Variants in SRBD1 observed in about 807,000 individuals in gnomAD.
The protein encoded by SRBD1 is S1 RNA binding domain 1, also known as S1 RNA-binding domain-containing protein 1.
Under a neutral mutation model 115.3 loss-of-function variants are expected in SRBD1, and 88 were observed. That is an observed-to-expected ratio of 0.76 (90% CI 0.64 to 0.91). The LOEUF is 0.91. Ranked by LOEUF, SRBD1 falls within the 40% of genes least tolerant of loss-of-function variation. The pLI is 0.00. For missense variants in SRBD1, 1,385 were observed against 1,177.4 expected, an observed-to-expected ratio of 1.18 and a Z score of -2.58; for synonymous variants, 509 against 407.7, an observed-to-expected ratio of 1.25 and a Z score of -2.99.
chr2:45,531,393 G>A (rs903228962), intron 14 of SRBD1, among the ~76,000 whole-genome samples: 1 of 151,722 alleles, frequency 6.6e-6, no homozygotes, highest in Non-Finnish European at 1.5e-5. Flanking sequence ...TTACAAAAAA[G>A]TTTTTATTAC....
intron 19 of SRBD1, among the ~76,000 whole-genome samples, chr2:45,410,331 AC>A (rs1667562247): frequency 6.6e-6 from 1 of 152,176 alleles, no homozygotes; most frequent in East Asian, 1.9e-4. Context: ...TTCCAAGAAA[AC>A]TGAACTTTCA....
At chr2:45,537,603 G>C (rs991531530) in intron 14 of SRBD1, among the ~76,000 whole-genome samples, 1 of 152,124 alleles carries the variant, frequency 6.6e-6, no homozygotes, top group Admixed American at 6.5e-5. Flanking sequence ...ATTCATCTGT[G>C]TCCTATAAAA....
chr2:45,488,469 A>G lies in SRBD1; in HGVS notation c.1875-138T>C, dbSNP rs1055289915. The stretch of plus-strand genomic sequence containing the variant: ...TTCTCTTCATATCTCAATGATACTG[A>G]CAGCATCTAATATTTCATTAATATA... On this transcript the variant is annotated intron_variant, in intron 14 of 20. Transcript: ENST00000263736. 3 of 601,762 alleles carry G rather than the reference A, an allele frequency of 5.0e-6. No individual in the cohort carries two copies. The Admixed American group carries it at 9.5e-5, about 19-fold the overall frequency. The allele number at this position is 601,762 out of a possible 1,614,324, so 37.3% of individuals were successfully genotyped here.
chr2:45,596,444 T>G (rs1673897184), intron 4 of SRBD1, among the ~76,000 whole-genome samples: 1 of 152,242 alleles, frequency 6.6e-6, no homozygotes, highest in Non-Finnish European at 1.5e-5. Flanking sequence ...CTCAAAGCTC[T>G]GAAATCACCT....
rs542220307 is a variant in SRBD1 at position 45,492,681 on chromosome 2, C to T, written c.1875-4350G>A. On this transcript the variant is annotated intron_variant, in intron 14 of 20. Coordinates refer to ENST00000263736, the MANE Select transcript of SRBD1 (RefSeq NM_018079.5). ...GTCTCGATCTCCTGACCTCGTGATC[C>T]GCCTGCCTCGGCCTCCCAAAGTGCT... 1.6e-3 allele frequency among the ~76,000 whole-genome samples: 240 copies of T among 152,254 alleles called. 1 individual carries two copies. Among genetic ancestry groups the T allele is most frequent in the African/African-American group, 5.6e-3 (232 of 41,560 alleles).
intron 16 of SRBD1, among the ~76,000 whole-genome samples, chr2:45,425,608 G>A (rs952088709): frequency 3.9e-5 from 6 of 152,024 alleles, no homozygotes; most frequent in Admixed American, 2.0e-4. Flanking sequence ...ATTTCCAACT[G>A]AGGTACCTGG....
chr2:45,538,378 G>A (rs1671831289), intron 14 of SRBD1, among the ~76,000 whole-genome samples: 1 of 152,128 alleles, frequency 6.6e-6, no homozygotes, highest in African/African-American at 2.4e-5. Context: ...TTCAGCTAGT[G>A]AGTTAGGGAA....
chr2:45,457,352 A>C (rs1394896221), intron 16 of SRBD1, among the ~76,000 whole-genome samples: 3 of 151,962 alleles, frequency 2.0e-5, no homozygotes, highest in Non-Finnish European at 2.9e-5. Context: ...AAGTGCTTTG[A>C]AAATGGATCA....
At chr2:45,538,702 T>C (rs1203279980) in intron 14 of SRBD1, among the ~76,000 whole-genome samples, 2 of 152,238 alleles carry the variant, frequency 1.3e-5, no homozygotes, top group Non-Finnish European at 2.9e-5. Flanking sequence ...AAAGTTGTTC[T>C]CTTCTTGTAC....
At chr2:45,410,289 G>C (rs1013424491) in intron 19 of SRBD1, among the ~76,000 whole-genome samples, 5 of 152,200 alleles carry the variant, frequency 3.3e-5, no homozygotes, top group Non-Finnish European at 5.9e-5. Context: ...CATGGTGAAA[G>C]TGTAAAATGT....
At chr2:45,399,789 G>T (rs1667243684) in intron 19 of SRBD1, among the ~76,000 whole-genome samples, 1 of 152,088 alleles carries the variant, frequency 6.6e-6, no homozygotes, top group African/African-American at 2.4e-5. Flanking sequence ...TAAGTTAGTG[G>T]TTTCAAAGGC....
At chr2:45,608,639 T>A (rs2104273582) in intron 1 of SRBD1, among the ~76,000 whole-genome samples, 1 of 151,224 alleles carries the variant, frequency 6.6e-6, no homozygotes, top group South Asian at 2.1e-4. Flanking sequence ...CCTTTAACAT[T>A]CAGATTTCTA....
intron 16 of SRBD1, among the ~76,000 whole-genome samples, chr2:45,437,269 A>G (rs1248274246): frequency 6.6e-6 from 1 of 152,124 alleles, no homozygotes; most frequent in Non-Finnish European, 1.5e-5. Flanking sequence ...CACAGTATTA[A>G]AAGAGAATGA....
chr2:45,452,405 G>A (rs1317186806), intron 16 of SRBD1, among the ~76,000 whole-genome samples: 2 of 151,856 alleles, frequency 1.3e-5, no homozygotes, highest in Non-Finnish European at 2.9e-5. Flanking sequence ...CCCCAAGTAA[G>A]CATCTAATAA....
chr2:45,434,447 C>T (rs3770248), intron 16 of SRBD1, among the ~76,000 whole-genome samples: 16,496 of 152,148 alleles, frequency 0.11, 1,019 homozygotes, highest in East Asian at 0.19. Flanking sequence ...TCTTGGCTTA[C>T]ATATGTGCAC....
chr2:45,562,177 T>A (rs546602699), intron 10 of SRBD1, among the ~76,000 whole-genome samples: 2 of 152,296 alleles, frequency 1.3e-5, no homozygotes, highest in African/African-American at 2.4e-5. Context: ...TTATTTTTTT[T>A]AATTCAAAAA....
intron 10 of SRBD1, among the ~76,000 whole-genome samples, chr2:45,560,424 G>A (rs990643169): frequency 3.9e-5 from 6 of 152,108 alleles, no homozygotes; most frequent in Admixed American, 3.9e-4. Context: ...AAAAGAATTA[G>A]CACAATAATC....
chr2:45,590,670 T>C (rs552814510), intron 4 of SRBD1, among the ~76,000 whole-genome samples: 1 of 152,314 alleles, frequency 6.6e-6, no homozygotes, highest in South Asian at 2.1e-4. Flanking sequence ...CCTTCCGCCA[T>C]GATTGTAAGT....
At position 45,601,954 on chromosome 2, in the gene SRBD1, A is replaced by G. The variant is rs1470099642; in HGVS notation, c.210T>C (p.Asn70=). Residue 70 remains asparagine (N), a synonymous_variant, in exon 3 of 21, where the codon AAT becomes AAC. Transcript: ENST00000263736. ...CTGAGCCATCACTGATCTGTGGGGCATTCTTCTTCACCCGAGGCATCCTCT... is the reference window on the plus strand; with the variant it reads ...CTGAGCCATCACTGATCTGTGGGGCGTTCTTCTTCACCCGAGGCATCCTCT... ...KPKRMPRVKK[N]APQISDGSEV... is the part of the protein sequence containing the mutation. 5 of 1,614,098 alleles carry G rather than the reference A, an allele frequency of 3.1e-6. No individual in the cohort carries two copies. The highest frequency in any genetic ancestry group is 4.2e-6 in the Non-Finnish European group (5 of 1,180,040).
Sources: allele counts gnomAD v4.1 joint callset (sites outside exome capture counted in the v4.1 genomes callset), GRCh38; gene constraint gnomAD v4.1.1; transcripts MANE v1.5; gene names NCBI Gene and HGNC (gene_info 2026-07-23, HGNC 2026-07-21).